Variants in PTPRN2 observed in about 807,000 individuals in gnomAD.
The protein encoded by PTPRN2 is receptor-type tyrosine-protein phosphatase N2.
PTPRN2 carries 74 observed loss-of-function variants against 118.8 expected under a neutral mutation model. The observed-to-expected ratio is 0.62, with a 90% confidence interval of 0.52 to 0.76. The LOEUF (loss-of-function observed/expected upper bound fraction) is 0.76. Among genes scored for constraint, PTPRN2 ranks in the 30% least tolerant of loss-of-function variants. The pLI, the probability that PTPRN2 is intolerant of heterozygous loss-of-function variation, is 0.00. For synonymous variants in PTPRN2, 641 were observed against 608.0 expected (o/e 1.05, Z -0.80); for missense variants, 1,481 against 1,394.4 (o/e 1.06, Z -0.99).
chr7:158,155,717 A>G (rs1821737243), intron 6 of PTPRN2, among the ~76,000 whole-genome samples: 1 of 132,576 alleles, frequency 7.5e-6, no homozygotes, highest in African/African-American at 3.2e-5. Flanking sequence ...CGTCAACACC[A>G]TCATCACCAT....
chr7:157,827,400 C>CAACAG (rs1807250691), intron 12 of PTPRN2, among the ~76,000 whole-genome samples: 1 of 152,024 alleles, frequency 6.6e-6, no homozygotes, highest in African/African-American at 2.4e-5. Flanking sequence ...CAACACAACA[C>CAACAG]AACACAACAC....
At chr7:158,071,623 TGCTCGTGGTGGTGGA>T (rs1811743422) in intron 11 of PTPRN2, among the ~76,000 whole-genome samples, 2 of 125,954 alleles carry the variant, frequency 1.6e-5, no homozygotes, top group African/African-American at 2.9e-5. Flanking sequence ...GTGGTGGAGG[TGCTCGTGGTGGTGGA>T]GATGCTCGTG....
intron 2 of PTPRN2, among the ~76,000 whole-genome samples, chr7:158,465,719 C>T (rs1819338561): frequency 6.6e-6 from 1 of 152,196 alleles, no homozygotes; most frequent in Admixed American, 6.5e-5. Flanking sequence ...AAGACACTGC[C>T]CTGAATGCAT....
chr7:158,401,571 A>G (rs1290472453), intron 2 of PTPRN2, among the ~76,000 whole-genome samples: 1 of 152,240 alleles, frequency 6.6e-6, no homozygotes, highest in Non-Finnish European at 1.5e-5. Context: ...GGTTGCCATG[A>G]CACACTGGGT....
intron 2 of PTPRN2, among the ~76,000 whole-genome samples, chr7:158,367,115 G>C (rs1809597822): frequency 6.6e-6 from 1 of 152,182 alleles, no homozygotes; most frequent in Non-Finnish European, 1.5e-5. Context: ...TCGTGCCCCA[G>C]GCTGCAGGGA....
At chr7:157,557,166 T>C (rs1221183110) in intron 21 of PTPRN2, among the ~76,000 whole-genome samples, 1 of 144,102 alleles carries the variant, frequency 6.9e-6, no homozygotes, top group Non-Finnish European at 1.5e-5. Flanking sequence ...CATGCACACA[T>C]ATATACACAG....
intron 6 of PTPRN2, among the ~76,000 whole-genome samples, chr7:158,153,136 G>A (rs1407481159): frequency 3.3e-5 from 5 of 152,172 alleles, no homozygotes; most frequent in Non-Finnish European, 7.3e-5. Flanking sequence ...GAACGATGCC[G>A]AGTGTGGCCG....
intron 10 of PTPRN2, among the ~76,000 whole-genome samples, chr7:158,094,839 C>T (rs939602414): frequency 6.6e-6 from 1 of 152,208 alleles, no homozygotes; most frequent in Non-Finnish European, 1.5e-5. Context: ...GAGGGCTCCA[C>T]TGCGCAGTCC....
rs539188012 is a variant in PTPRN2, at chr7:157,634,670, C to T, written c.2197-13161G>A. On this transcript the variant is annotated intron_variant, in intron 14 of 22. Coordinates refer to ENST00000389418, the MANE Select transcript of PTPRN2 (RefSeq NM_002847.5). ...GGGCCGTACGACCTCTTCCAGACCC[C>T]CCGGGCTCCAGTTATTAAATGACTC... Among the ~76,000 whole-genome samples the T allele has an allele frequency of 6.3e-4, 96 of 152,300 alleles. 1 individual carries two copies. The South Asian group carries it at 9.9e-3, about 16-fold the overall frequency.
chr7:158,434,581 G>A (rs757137196), intron 2 of PTPRN2, among the ~76,000 whole-genome samples: 7 of 151,948 alleles, frequency 4.6e-5, no homozygotes, highest in Non-Finnish European at 1.0e-4. Flanking sequence ...AAGCAGTGTG[G>A]TTTTGTTTTT....
rs772974577 is a variant in PTPRN2, at chr7:158,244,619, ATG to A, written c.278-39348_278-39347del. 2.6e-5 allele frequency among the ~76,000 whole-genome samples: 4 copies of A among 151,516 alleles called. No homozygotes were observed. In the East Asian group the frequency reaches 5.9e-4, roughly 22 times the overall value. On this transcript the variant is annotated intron_variant, in intron 3 of 22. Transcript: ENST00000389418. Reference sequence around the variant, plus strand: ...TCTGAGTTGTGTGTACAAGCTATGTATGTGTTTTGTGTGAGCTGACTTGTGAT... The same window carrying A: ...TCTGAGTTGTGTGTACAAGCTATGTATGTTTTGTGTGAGCTGACTTGTGAT...
chr7:158,102,948 C>T (rs766061700), intron 10 of PTPRN2, among the ~76,000 whole-genome samples: 2 of 152,198 alleles, frequency 1.3e-5, no homozygotes, highest in Non-Finnish European at 2.9e-5. Flanking sequence ...GGCATCAGAG[C>T]TGAGTCCTAG....
At chr7:158,430,367 C>T (rs1423082631) in intron 2 of PTPRN2, among the ~76,000 whole-genome samples, 6 of 152,212 alleles carry the variant, frequency 3.9e-5, no homozygotes, top group African/African-American at 9.6e-5. Context: ...CCTGTAGACC[C>T]GGAAGTCGGT....
At chr7:158,014,947 T>C (rs770963181) in intron 11 of PTPRN2, among the ~76,000 whole-genome samples, 1 of 152,258 alleles carries the variant, frequency 6.6e-6, no homozygotes, top group African/African-American at 2.4e-5. Context: ...TTTTATCAAG[T>C]ATTTTTAGTG....
intron 2 of PTPRN2, among the ~76,000 whole-genome samples, chr7:158,336,629 C>A (rs1331888263): frequency 6.8e-6 from 1 of 146,208 alleles, no homozygotes; most frequent in Non-Finnish European, 1.5e-5. Flanking sequence ...GTGACACATG[C>A]AGACGTCACT....
intron 2 of PTPRN2, among the ~76,000 whole-genome samples, chr7:158,370,687 G>C (rs184592054): frequency 6.6e-6 from 1 of 152,040 alleles, no homozygotes; most frequent in East Asian, 1.9e-4. Flanking sequence ...AGGAGGCGGA[G>C]CTTGCAGTGA....
intron 12 of PTPRN2, among the ~76,000 whole-genome samples, chr7:157,762,239 A>G (rs536152326): frequency 2.0e-5 from 3 of 152,218 alleles, no homozygotes; most frequent in Non-Finnish European, 1.5e-5. Context: ...CCATCCCATT[A>G]CTGGGTATAT....
chr7:157,778,474 G>A (rs750348955), intron 12 of PTPRN2, among the ~76,000 whole-genome samples: 21 of 151,098 alleles, frequency 1.4e-4, no homozygotes, highest in African/African-American at 2.7e-4. Context: ...CAGGTGTTGG[G>A]TGCCCATGTA....
chr7:158,068,472 G>C (rs1810959199), intron 11 of PTPRN2, among the ~76,000 whole-genome samples: 1 of 152,240 alleles, frequency 6.6e-6, no homozygotes, highest in Non-Finnish European at 1.5e-5. Context: ...CACCACCTTT[G>C]CACTCAGCAG....
Sources: allele counts gnomAD v4.1 joint callset (sites outside exome capture counted in the v4.1 genomes callset), GRCh38; gene constraint gnomAD v4.1.1; transcripts MANE v1.5; gene names NCBI Gene and HGNC (gene_info 2026-07-23, HGNC 2026-07-21).